RAB27B: variants seen among roughly 807,000 people sequenced by gnomAD.
RAB27B encodes RAB27B, member RAS oncogene family.
RAB27B carries 15 observed loss-of-function variants against 24.6 expected under a neutral mutation model. That is an observed-to-expected ratio of 0.61 (90% CI 0.41 to 0.94). The LOEUF is 0.94. Ranked by LOEUF, RAB27B falls within the 40% of genes least tolerant of loss-of-function variation. RAB27B has a pLI of 0.00. For synonymous variants in RAB27B, 105 were observed against 92.5 expected, an observed-to-expected ratio of 1.14 and a Z score of -0.78; for missense variants, 261 against 266.8, an observed-to-expected ratio of 0.98 and a Z score of 0.15.
intron 1 of RAB27B, among the ~76,000 whole-genome samples, chr18:54,841,164 G>C (rs1362656188): frequency 1.6e-5 from 2 of 124,280 alleles, no homozygotes; most frequent in Non-Finnish European, 3.5e-5. Flanking sequence ...CGGGGCGGTG[G>C]GGGGTTTGGT....
chr18:54,724,502 T>C (rs1382519078), intron 2 of RAB27B, among the ~76,000 whole-genome samples: 1 of 151,282 alleles, frequency 6.6e-6, no homozygotes, highest in Non-Finnish European at 1.5e-5. Context: ...GGCAGGGGGA[T>C]AACTTGAGAT....
chr18:54,823,061 T>C (rs1003938831), intron 2 of RAB27B, among the ~76,000 whole-genome samples: 1 of 152,228 alleles, frequency 6.6e-6, no homozygotes, highest in African/African-American at 2.4e-5. Context: ...GTAGGTACAA[T>C]TGTGAAAACA....
intron 2 of RAB27B, among the ~76,000 whole-genome samples, chr18:54,768,405 C>G (rs1163471159): frequency 6.6e-6 from 1 of 152,106 alleles, no homozygotes; most frequent in Non-Finnish European, 1.5e-5. Context: ...AGGTACCGAA[C>G]AGCCATTGGT....
chr18:54,745,894 T>G (rs1378385284), intron 2 of RAB27B, among the ~76,000 whole-genome samples: 2 of 149,772 alleles, frequency 1.3e-5, no homozygotes, highest in Non-Finnish European at 3.0e-5. Flanking sequence ...TAAATATTTA[T>G]TAGCTACACT....
intron 1 of RAB27B, among the ~76,000 whole-genome samples, chr18:54,859,436 T>G (rs987439221): frequency 6.6e-6 from 1 of 150,798 alleles, no homozygotes; most frequent in African/African-American, 2.4e-5. Flanking sequence ...CATCAAACCA[T>G]CCACTTTCAA....
At chr18:54,798,160 A>G (rs1909484691) in intron 2 of RAB27B, among the ~76,000 whole-genome samples, 1 of 151,954 alleles carries the variant, frequency 6.6e-6, no homozygotes, top group South Asian at 2.1e-4. Flanking sequence ...CCTTCTTCCC[A>G]TTGGTTAGCA....
intron 1 of RAB27B, among the ~76,000 whole-genome samples, chr18:54,847,731 A>G (rs1310581252): frequency 6.6e-6 from 1 of 152,242 alleles, no homozygotes; most frequent in Non-Finnish European, 1.5e-5. Flanking sequence ...TTATCAACTC[A>G]TTTAAACCTC....
At chr18:54,730,203 T>G (rs371311481) in intron 2 of RAB27B, among the ~76,000 whole-genome samples, 2 of 152,340 alleles carry the variant, frequency 1.3e-5, no homozygotes, top group South Asian at 4.1e-4. Context: ...CATCACTGTT[T>G]CCATAGATTT....
At chr18:54,871,849 CAAAAAAA>C (rs11388519) in intron 1 of RAB27B, among the ~76,000 whole-genome samples, 13 of 85,976 alleles carry the variant, frequency 1.5e-4, no homozygotes, top group Middle Eastern at 6.4e-3. Context: ...GACTCCATCT[CAAAAAAA>C]AAAAAAAAAA....
At chr18:54,759,357 A>G (rs1908107634) in intron 2 of RAB27B, among the ~76,000 whole-genome samples, 1 of 152,134 alleles carries the variant, frequency 6.6e-6, no homozygotes, top group African/African-American at 2.4e-5. Flanking sequence ...ATTTATTTGG[A>G]TGCTAGTTTA....
In RAB27B at chr18:54,797,156, A is replaced by G. The variant is rs73960637; in HGVS notation, c.-20+79015A>G. Among the ~76,000 whole-genome samples, 320 of 152,324 alleles carry G rather than the reference A, an allele frequency of 2.1e-3. 1 individual carries two copies. The highest frequency in any genetic ancestry group is 7.5e-3 in the African/African-American group (310 of 41,588). On this transcript the variant is annotated intron_variant, in intron 2 of 4. Coordinates refer to the RAB27B transcript ENST00000586570. ...AAAGGCAAACAGACATTTGAGTGCA[A>G]ATGTGTGCACAGGCATATAAGAATT...
chr18:54,718,803 G>C (rs761294682), intron 2 of RAB27B, among the ~76,000 whole-genome samples: 1 of 152,194 alleles, frequency 6.6e-6, no homozygotes, highest in Non-Finnish European at 1.5e-5. Context: ...TTATGGGGGA[G>C]ATGGAAAATT....
At chr18:54,744,093 A>G (rs1910156731) in intron 2 of RAB27B, among the ~76,000 whole-genome samples, 1 of 152,178 alleles carries the variant, frequency 6.6e-6, no homozygotes, top group Non-Finnish European at 1.5e-5. Flanking sequence ...TAAAATCAAC[A>G]GTGAATAAAT....
At chr18:54,854,541 T>C (rs568203528) in intron 1 of RAB27B, among the ~76,000 whole-genome samples, 3 of 152,288 alleles carry the variant, frequency 2.0e-5, no homozygotes, top group Admixed American at 2.0e-4. Flanking sequence ...TAACCTTTAT[T>C]TTAAAAACAT....
chr18:54,799,038 A>G (rs1909514280), intron 2 of RAB27B, among the ~76,000 whole-genome samples: 1 of 152,208 alleles, frequency 6.6e-6, no homozygotes, highest in Admixed American at 6.5e-5. Context: ...TTAACTTAAA[A>G]TTACTATTGT....
intron 2 of RAB27B, 83 bp downstream of exon 2, chr18:54,877,821 G>A: frequency 7.2e-7 from 1 of 1,381,138 alleles, no homozygotes; most frequent in Non-Finnish European, 9.7e-7. Context: ...TATTGCATTG[G>A]AGTCTGTCTT....
rs1165901346 is a variant in RAB27B at position 54,889,340 on chromosome 18, C to A, written c.584C>A (p.Pro195His). The A allele has an allele frequency of 5.0e-6, 8 of 1,613,254 alleles. No homozygotes were observed. The African/African-American group carries it at 1.1e-4, about 22-fold the overall frequency. Reference sequence around the variant, plus strand: ...CAGTGTGTGGAGAAGACACAAATCCCTGATACTGTCAATGGTGGAAATTCT... The same window carrying A: ...CAGTGTGTGGAGAAGACACAAATCCATGATACTGTCAATGGTGGAAATTCT... Reference protein sequence around the residue: ...MEQCVEKTQIPDTVNGGNSGN... With the variant: ...MEQCVEKTQIHDTVNGGNSGN... The change falls in exon 6 of 6, where the codon CCT (proline) becomes CAT (histidine). Residue 195 changes from proline to histidine, a missense_variant. Pro to His is a moderately conservative substitution (Grantham distance 77). Coordinates refer to ENST00000262094, the MANE Select transcript of RAB27B (RefSeq NM_004163.4).
At chr18:54,783,028 G>C (rs1598901122) in intron 2 of RAB27B, among the ~76,000 whole-genome samples, 1 of 152,054 alleles carries the variant, frequency 6.6e-6, no homozygotes, top group East Asian at 1.9e-4. Flanking sequence ...TGTGATCTCA[G>C]CTCACCACAA....
At chr18:54,883,942 T>C (rs879539682) in intron 3 of RAB27B, among the ~76,000 whole-genome samples, 15 of 152,174 alleles carry the variant, frequency 9.9e-5, no homozygotes, top group Non-Finnish European at 1.3e-4. Context: ...GTGCCAAGCT[T>C]TCTTCTGGGC....
Sources: allele counts gnomAD v4.1 joint callset (sites outside exome capture counted in the v4.1 genomes callset), GRCh38; gene constraint gnomAD v4.1.1; transcripts MANE v1.5; gene names NCBI Gene and HGNC (gene_info 2026-07-23, HGNC 2026-07-21).